CYRIB: variants seen among roughly 807,000 people sequenced by gnomAD.
CYRIB encodes CYFIP related Rac1 interactor B.
In CYRIB, 8 loss-of-function variants were observed where a neutral mutation model predicts 44.2. The observed-to-expected ratio is 0.18, with a 90% confidence interval of 0.11 to 0.33. CYRIB has a LOEUF of 0.33. CYRIB is among the 10% of genes least tolerant of loss of function. CYRIB has a pLI of 1.00. For synonymous variants in CYRIB, 131 were observed against 127.2 expected, an observed-to-expected ratio of 1.03 and a Z score of -0.20; for missense variants, 185 against 382.8, an observed-to-expected ratio of 0.48 and a Z score of 4.31.
chr8:130,014,682 C>T (rs1214729861), intron 1 of CYRIB, among the ~76,000 whole-genome samples: 3 of 152,186 alleles, frequency 2.0e-5, no homozygotes, highest in Admixed American at 6.5e-5. Context: ...ATATATTGGC[C>T]TTTATCTGAA....
At chr8:129,959,579 A>C (rs184849242) in intron 2 of CYRIB, among the ~76,000 whole-genome samples, 1 of 152,258 alleles carries the variant, frequency 6.6e-6, no homozygotes, top group Non-Finnish European at 1.5e-5. Flanking sequence ...GTTTGAGACC[A>C]GACTGGGCAA....
chr8:129,907,600 A>C (rs1045583843), intron 1 of CYRIB, among the ~76,000 whole-genome samples: 1 of 152,134 alleles, frequency 6.6e-6, no homozygotes, highest in Non-Finnish European at 1.5e-5. Context: ...AATTTAAAAA[A>C]CTATATATAT....
upstream of CYRIB, among the ~76,000 whole-genome samples, chr8:129,943,834 C>T (rs1170274820): frequency 6.7e-6 from 1 of 148,388 alleles, no homozygotes; most frequent in Non-Finnish European, 1.5e-5. Flanking sequence ...CTCCTGACCA[C>T]GTGATCCGCC....
At chr8:129,950,336 A>G (rs913521514) in intron 2 of CYRIB, among the ~76,000 whole-genome samples, 2 of 152,216 alleles carry the variant, frequency 1.3e-5, no homozygotes, top group Admixed American at 1.3e-4. Flanking sequence ...TTGGGAGGCC[A>G]TGGCAGACGG....
At chr8:129,951,179 C>T (rs932255126) in intron 2 of CYRIB, among the ~76,000 whole-genome samples, 35 of 152,152 alleles carry the variant, frequency 2.3e-4, no homozygotes, top group African/African-American at 8.2e-4. Context: ...TGGCGGGAGC[C>T]TGTAGTCCCA....
intron 3 of CYRIB, among the ~76,000 whole-genome samples, chr8:129,875,310 G>C (rs1348063235): frequency 6.6e-6 from 1 of 151,612 alleles, no homozygotes; most frequent in East Asian, 1.9e-4. Flanking sequence ...TGCTACTCAA[G>C]GTGGAGTGCA....
At chr8:129,999,387 C>T (rs180837378) in intron 1 of CYRIB, among the ~76,000 whole-genome samples, 1 of 152,352 alleles carries the variant, frequency 6.6e-6, no homozygotes, top group East Asian at 1.9e-4. Flanking sequence ...GACATGACCC[C>T]CCAGGAACAC....
At chr8:129,932,106 C>T (rs1232011113) in intron 1 of CYRIB, among the ~76,000 whole-genome samples, 1 of 149,916 alleles carries the variant, frequency 6.7e-6, no homozygotes, top group African/African-American at 2.5e-5. Context: ...TCAAGCGATT[C>T]TCCTGCCTCA....
chr8:129,924,288 A>AC (rs2085873050), intron 1 of CYRIB, among the ~76,000 whole-genome samples: 1 of 8,232 alleles, frequency 1.2e-4, no homozygotes, highest in Non-Finnish European at 3.4e-4. Flanking sequence ...AAAAAAAAAA[A>AC]ACCGGGGGGG....
At chr8:129,902,246 G>A (rs2072582793) in intron 2 of CYRIB, among the ~76,000 whole-genome samples, 1 of 152,124 alleles carries the variant, frequency 6.6e-6, no homozygotes, top group African/African-American at 2.4e-5. Context: ...TTGACACAGA[G>A]TCTCACTCTG....
chr8:129,876,544 G>A (rs910966398), intron 3 of CYRIB, among the ~76,000 whole-genome samples: 1 of 152,130 alleles, frequency 6.6e-6, no homozygotes, highest in Non-Finnish European at 1.5e-5. Flanking sequence ...AACAGTTACA[G>A]GGGTCATGAG....
intron 2 of CYRIB, among the ~76,000 whole-genome samples, chr8:129,894,818 T>G (rs2135218347): frequency 6.6e-6 from 1 of 152,162 alleles, no homozygotes; most frequent in South Asian, 2.1e-4. Flanking sequence ...GTAACCAATC[T>G]TCTATATTAA....
chr8:129,964,483 G>A (rs2095395925), intron 2 of CYRIB, among the ~76,000 whole-genome samples: 1 of 152,178 alleles, frequency 6.6e-6, no homozygotes, highest in African/African-American at 2.4e-5. Flanking sequence ...TGAAGCAGCT[G>A]GGTTACCCGT....
intron 1 of CYRIB, among the ~76,000 whole-genome samples, chr8:129,972,750 G>A (rs575433177): frequency 1.3e-4 from 19 of 150,866 alleles, no homozygotes; most frequent in Admixed American, 8.6e-4. Flanking sequence ...CATACCCCAC[G>A]CACATGCACA....
At chr8:129,927,774 T>C (rs1326315972) in intron 1 of CYRIB, among the ~76,000 whole-genome samples, 3 of 152,164 alleles carry the variant, frequency 2.0e-5, no homozygotes, top group African/African-American at 4.8e-5. Context: ...AAAGCTACAG[T>C]AATCAAGCCA....
At chr8:129,958,535 T>C (rs1399227392) in intron 2 of CYRIB, among the ~76,000 whole-genome samples, 1 of 152,148 alleles carries the variant, frequency 6.6e-6, no homozygotes, top group Non-Finnish European at 1.5e-5. Context: ...GAAGGAAGCA[T>C]TGTATACAAT....
Position 129,991,991 on chromosome 8 carries a change from G to A in CYRIB, c.-295-20996C>T, listed in dbSNP as rs373465299. Among the ~76,000 whole-genome samples, 33 of 134,374 alleles carry A rather than the reference G, an allele frequency of 2.5e-4. No individual in the cohort carries two copies. The East Asian group carries it at 6.4e-3, about 26-fold the overall frequency. 88.2% of individuals were successfully genotyped at this position (134,374 alleles called of 152,430 possible). ...AAAAAAACAATAGGAAGCTATTAAG[G>A]GTTTTAAGCAGAGGTGTGGTATGAT... On this transcript the variant is annotated intron_variant, in intron 1 of 14. Transcript: ENST00000401979.
chr8:129,985,749 G>A (rs1564625118), intron 1 of CYRIB, among the ~76,000 whole-genome samples: 1 of 152,144 alleles, frequency 6.6e-6, no homozygotes, highest in Non-Finnish European at 1.5e-5. Context: ...CACCAGCCCA[G>A]AGCAGTCGCC....
chr8:129,910,399 A>ACATT (rs2077331120), intron 1 of CYRIB, among the ~76,000 whole-genome samples: 1 of 152,072 alleles, frequency 6.6e-6, no homozygotes, highest in Non-Finnish European at 1.5e-5. Context: ...GTCCAAAGAT[A>ACATT]CATTCTAATT....
Sources: allele counts gnomAD v4.1 joint callset (sites outside exome capture counted in the v4.1 genomes callset), GRCh38; gene constraint gnomAD v4.1.1; transcripts MANE v1.5; gene names NCBI Gene and HGNC (gene_info 2026-07-23, HGNC 2026-07-21).